Variants in EPSTI1 observed in about 807,000 individuals in gnomAD.
EPSTI1 encodes the protein epithelial stromal interaction 1.
EPSTI1 carries 66 observed loss-of-function variants against 49.9 expected under a neutral mutation model. The ratio of observed to expected loss-of-function variants is 1.32; its 90% confidence interval spans 1.08 to 1.62. The LOEUF (loss-of-function observed/expected upper bound fraction) is 1.62, where lower values mean the gene tolerates loss of function less well. EPSTI1 is among the 40% of genes most tolerant of loss of function. The pLI is 0.00. For missense variants in EPSTI1, 394 were observed against 365.5 expected, an observed-to-expected ratio of 1.08 and a Z score of -0.64; for synonymous variants, 137 against 130.7, an observed-to-expected ratio of 1.05 and a Z score of -0.33.
intron 6 of EPSTI1, among the ~76,000 whole-genome samples, chr13:42,933,076 G>C (rs774075925): frequency 2.0e-5 from 3 of 152,106 alleles, no homozygotes; most frequent in Admixed American, 6.6e-5. Flanking sequence ...TGTTTTATGT[G>C]ATCCTGAATT....
At chr13:42,917,470 C>A (rs2037862122) in intron 8 of EPSTI1, 71 bp downstream of exon 8, 1 of 1,285,024 alleles carries the variant, frequency 7.8e-7, no homozygotes, top group Non-Finnish European at 1.1e-6. Flanking sequence ...TATTTCTGTT[C>A]AGAAATTCTT....
In EPSTI1 at chr13:42,966,738, AGG is replaced by A. The variant is rs1405995675; in HGVS notation, c.331+2354_331+2355del. Among the ~76,000 whole-genome samples the A allele has an allele frequency of 2.3e-5, 2 of 88,758 alleles. 1 individual carries two copies. The highest frequency in any genetic ancestry group is 5.1e-5 in the Non-Finnish European group (2 of 38,924). The allele number at this position is 88,758 out of a possible 152,430, so 58.2% of individuals were successfully genotyped here. On this transcript the variant is annotated intron_variant, in intron 3 of 10. Transcript: ENST00000313624. The stretch of plus-strand genomic sequence containing the variant: ...GGCCAGCCGCCCCGTCCGGGAGGTG[AGG>A]GGCGCCTCCGCCCGGCCACCACCCC...
At chr13:42,991,923 G>T in intron 1 of EPSTI1, 55 bp downstream of exon 1, 2 of 1,595,680 alleles carry the variant, frequency 1.3e-6, no homozygotes, top group Non-Finnish European at 1.7e-6. Context: ...GCTTGTGAGT[G>T]AGTATGTTTG....
intron 7 of EPSTI1, among the ~76,000 whole-genome samples, chr13:42,920,525 C>A (rs937155749): frequency 6.6e-6 from 1 of 152,078 alleles, no homozygotes; most frequent in African/African-American, 2.4e-5. Flanking sequence ...ATGGATGCAC[C>A]AGCTATTGAG....
rs777718724 is a variant in EPSTI1, at chr13:42,917,611, G to A, written c.671C>T (p.Ala224Val). 2.1e-5 allele frequency: 18 copies of A among 857,850 alleles called. No homozygotes were observed. The South Asian group carries it at 2.2e-4, about 10-fold the overall frequency. 53.1% of individuals were successfully genotyped at this position (857,850 alleles called of 1,614,324 possible). A position where few individuals can be genotyped will look rare whatever the true frequency, so the allele number is the denominator to read the frequency against. ...TTCTGCCTTTAGAGAATCTCTGTAA[G>A]CCCAGCTTCTGGCCTGTAAAGGTAC... ...PQSSTWARSW[A>V]YRDSLKAEEN... The change falls in exon 8 of 11, where the codon GCT becomes GTT. Residue 224 changes from alanine (A) to valine (V), a missense_variant. By Grantham distance (64) the Ala-to-Val change is moderately conservative (BLOSUM62 0). Transcript: ENST00000313624.
At chr13:42,923,408 A>G (rs1176708597) in intron 7 of EPSTI1, among the ~76,000 whole-genome samples, 1 of 152,092 alleles carries the variant, frequency 6.6e-6, no homozygotes, top group Non-Finnish European at 1.5e-5. Context: ...AAAAACTACA[A>G]AAGTTAGCTG....
At chr13:42,963,810 C>T (rs1349332274) in intron 4 of EPSTI1, among the ~76,000 whole-genome samples, 1 of 152,066 alleles carries the variant, frequency 6.6e-6, no homozygotes, top group Non-Finnish European at 1.5e-5. Context: ...TATAGTTAAA[C>T]ATAGTTAACT....
At chr13:42,957,822 G>T (rs577586826) in intron 5 of EPSTI1, among the ~76,000 whole-genome samples, 3 of 152,158 alleles carry the variant, frequency 2.0e-5, no homozygotes. Context: ...CAATTGGCCC[G>T]CCTTAGCTCC....
chr13:42,905,753 A>G (rs2037480623), intron 8 of EPSTI1, among the ~76,000 whole-genome samples: 1 of 152,224 alleles, frequency 6.6e-6, no homozygotes, highest in African/African-American at 2.4e-5. Flanking sequence ...AAATCACAGT[A>G]TAATGAGGCA....
At chr13:42,955,971 G>A (rs968490550) in intron 5 of EPSTI1, among the ~76,000 whole-genome samples, 5 of 151,840 alleles carry the variant, frequency 3.3e-5, no homozygotes, top group South Asian at 4.2e-4. Flanking sequence ...TATATGCTCG[G>A]TACCATGTTA....
intron 5 of EPSTI1, among the ~76,000 whole-genome samples, chr13:42,958,671 C>A (rs535630450): frequency 6.6e-6 from 1 of 152,116 alleles, no homozygotes; most frequent in African/African-American, 2.4e-5. Context: ...TTAAGGCTGG[C>A]AACCTTTATT....
intron 8 of EPSTI1, among the ~76,000 whole-genome samples, chr13:42,913,233 G>A (rs1299666458): frequency 6.6e-6 from 1 of 151,912 alleles, no homozygotes; most frequent in African/African-American, 2.4e-5. Context: ...TAATAAATGA[G>A]AACACATCAA....
At chr13:42,974,424 A>G (rs925407839) in intron 1 of EPSTI1, among the ~76,000 whole-genome samples, 8 of 152,034 alleles carry the variant, frequency 5.3e-5, no homozygotes, top group Admixed American at 1.3e-4. Context: ...TTGGGAGGCC[A>G]GGGCGGGCGG....
intron 1 of EPSTI1, among the ~76,000 whole-genome samples, chr13:42,978,078 G>A (rs1202715062): frequency 3.9e-5 from 6 of 152,010 alleles, no homozygotes; most frequent in African/African-American, 1.2e-4. Flanking sequence ...GCGTGAACCC[G>A]GGAGGCGGAG....
At chr13:42,957,152 T>C (rs1334781902) in intron 5 of EPSTI1, among the ~76,000 whole-genome samples, 2 of 152,102 alleles carry the variant, frequency 1.3e-5, no homozygotes, top group Non-Finnish European at 2.9e-5. Flanking sequence ...GGAAGCATGA[T>C]GATAGGGATA....
intron 1 of EPSTI1, among the ~76,000 whole-genome samples, chr13:42,981,493 G>A (rs879442939): frequency 6.6e-6 from 1 of 152,114 alleles, no homozygotes; most frequent in Admixed American, 6.5e-5. Context: ...CATTTTTGGT[G>A]ATATTGTATT....
chr13:42,977,261 ATCCTTTATTCTT>A (rs2039898756), intron 1 of EPSTI1, among the ~76,000 whole-genome samples: 1 of 152,230 alleles, frequency 6.6e-6, no homozygotes, highest in African/African-American at 2.4e-5. Flanking sequence ...TATGTGTGAC[ATCCTTTATTCTT>A]TAACCAAAAG....
At chr13:42,937,005 A>G (rs1472308588) in intron 6 of EPSTI1, among the ~76,000 whole-genome samples, 4 of 152,074 alleles carry the variant, frequency 2.6e-5, no homozygotes, top group East Asian at 3.8e-4. Flanking sequence ...CTTACATACA[A>G]TATGTAGTTA....
intron 8 of EPSTI1, among the ~76,000 whole-genome samples, chr13:42,904,572 TCA>T (rs1286648958): frequency 2.0e-5 from 3 of 152,182 alleles, no homozygotes; most frequent in Admixed American, 6.5e-5. Context: ...ATATGAATAT[TCA>T]CAGTTATATT....
Sources: gnomAD v4.1 joint callset for allele counts (sites outside exome capture counted in the v4.1 genomes callset) on GRCh38, gnomAD v4.1.1 for gene constraint, MANE v1.5 for transcripts, NCBI Gene and HGNC (gene_info 2026-07-23, HGNC 2026-07-21) for gene names.